Variants in ZNF582 observed in about 807,000 individuals in gnomAD.
The protein encoded by ZNF582 is zinc finger protein 582.
Under a neutral mutation model 12.3 loss-of-function variants are expected in ZNF582, and 14 were observed. The observed-to-expected ratio is 1.14, with a 90% CI of 0.75 to 1.78. The LOEUF is 1.78. Ranked by LOEUF, ZNF582 falls within the 40% of genes most tolerant of loss-of-function variation. The pLI, the probability that ZNF582 is intolerant of heterozygous loss-of-function variation, is 0.00. For missense variants in ZNF582, 567 were observed against 616.5 expected (o/e 0.92, Z 0.85); for synonymous variants, 210 against 207.2 (o/e 1.01, Z -0.11).
chr19:56,389,920 A>C, intron 4 of ZNF582, 81 bp downstream of exon 4: 2 of 1,123,382 alleles, frequency 1.8e-6, no homozygotes, highest in Non-Finnish European at 2.7e-6. Flanking sequence ...CCTGCAGGGA[A>C]GATCTTCTAA....
chr19:56,389,764 G>A (rs117298652), intron 4 of ZNF582, among the ~76,000 whole-genome samples: 2,625 of 152,002 alleles, frequency 0.017, 34 homozygotes, highest in Middle Eastern at 0.051. Flanking sequence ...CTTTCCTTAG[G>A]AACCACCATA....
chr19:56,392,516 C>A (rs1013351296), intron 1 of ZNF582, among the ~76,000 whole-genome samples: 2 of 152,212 alleles, frequency 1.3e-5, no homozygotes, highest in Non-Finnish European at 2.9e-5. Context: ...AATAGGAGAA[C>A]TGAAAATTAG....
exon 5 of ZNF582, chr19:56,384,116 T>C: frequency 1.2e-6 from 2 of 1,612,714 alleles, no homozygotes; most frequent in Non-Finnish European, 1.7e-6. Context: ...TTGTGAGCAA[T>C]GACTAAAAGC....
At chr19:56,390,341 A>G in intron 3 of ZNF582, 34 bp downstream of exon 3, 1 of 1,613,894 alleles carries the variant, frequency 6.2e-7, no homozygotes, top group Non-Finnish European at 8.5e-7. Context: ...ATGCCCAAGG[A>G]TAACCTCCAA....
chr19:56,392,185 T>C (rs1057316191), intron 1 of ZNF582, among the ~76,000 whole-genome samples: 7 of 152,180 alleles, frequency 4.6e-5, no homozygotes, highest in African/African-American at 1.7e-4. Flanking sequence ...CCTGCATCAT[T>C]TGCATAGCCC....
chr19:56,388,482 A>G (rs1309020265), intron 4 of ZNF582: 3 of 152,224 alleles, frequency 2.0e-5, no homozygotes, highest in Non-Finnish European at 4.4e-5. Flanking sequence ...TGACTTCTGA[A>G]ACTAGCAGGT....
intron 4 of ZNF582, chr19:56,387,595 TTCTC>T (rs1312409703): frequency 5.9e-5 from 9 of 152,300 alleles, no homozygotes; most frequent in African/African-American, 1.9e-4. Context: ...GTATTTCTCT[TTCTC>T]TTTCTTTTTT....
chr19:56,392,483 T>G (rs1306077859), intron 1 of ZNF582, among the ~76,000 whole-genome samples: 1 of 152,220 alleles, frequency 6.6e-6, no homozygotes, highest in Non-Finnish European at 1.5e-5. Flanking sequence ...TGCACAAAGC[T>G]GCATGTCCAA....
chr19:56,390,411 C>G lies in ZNF582; in HGVS notation c.100G>C (p.Val34Leu). 1.2e-6 allele frequency: 2 copies of G among 1,614,180 alleles called. No individual in the cohort carries two copies. The highest frequency in any genetic ancestry group is 1.7e-6 in the Non-Finnish European group (2 of 1,180,028). The stretch of plus-strand genomic sequence containing the variant: ...AGGTTGCTGTAGGTCTCCAACATCA[C>G]GTCTCTGTACAAATCCCTCTGAGCA... Residue 34 changes from valine (V) to leucine (L), a missense_variant, in exon 3 of 5, where the codon GTG becomes CTG. Coordinates refer to ENST00000586929, the Ensembl canonical transcript of ZNF582.
intron 4 of ZNF582, chr19:56,387,704 TCTC>T (rs1200814639): frequency 6.6e-6 from 1 of 152,190 alleles, no homozygotes; most frequent in Non-Finnish European, 1.5e-5. Flanking sequence ...CTCAGGTGAT[TCTC>T]CTCTGTCAGC....
At chr19:56,389,887 G>C in intron 4 of ZNF582, 114 bp downstream of exon 4, 2 of 752,658 alleles carry the variant, frequency 2.7e-6, no homozygotes, top group East Asian at 2.6e-5. Context: ...CAACACGTAA[G>C]ACATAAGCTT....
At chr19:56,384,763 C>T in exon 5 of ZNF582, 1 of 1,600,760 alleles carries the variant, frequency 6.2e-7, no homozygotes, top group Non-Finnish European at 8.5e-7. Context: ...AATGAATATT[C>T]TCATGTTGAA....
chr19:56,390,231 G>A (rs2042003704), intron 3 of ZNF582, 135 bp from the exon 4 acceptor site: 10 of 1,377,732 alleles, frequency 7.3e-6, no homozygotes, highest in Admixed American at 7.2e-5. Context: ...CTGGGGGTAG[G>A]GGGATGCAGC....
In ZNF582 at chr19:56,393,421, G is replaced by A. The variant is rs368378396; in HGVS notation, c.-282C>T. 1,904 of 566,372 alleles carry A rather than the reference G, an allele frequency of 3.4e-3. 20 individuals are homozygous for A. Among genetic ancestry groups the A allele is most frequent in the South Asian group, 0.017 (1,197 of 70,312 alleles). The allele number at this position is 566,372 out of a possible 1,614,324, so 35.1% of individuals were successfully genotyped here. ...CTCCTGCTGGACCCCAGAGCGCCTGGAAAGCTCCGGAACCTCTCACCTGCC... is the reference window on the plus strand; with the variant it reads ...CTCCTGCTGGACCCCAGAGCGCCTGAAAAGCTCCGGAACCTCTCACCTGCC... On this transcript the variant is annotated 5_prime_UTR_variant, in exon 1 of 5. Transcript: ENST00000586929.
At chr19:56,391,279 G>C (rs147200687) in intron 2 of ZNF582, among the ~76,000 whole-genome samples, 17 of 152,154 alleles carry the variant, frequency 1.1e-4, no homozygotes, top group Non-Finnish European at 2.5e-4. Context: ...CAAATGCTCT[G>C]TCCAACGTCA....
intron 3 of ZNF582, 67 bp from the exon 4 acceptor site, chr19:56,390,163 T>C (rs1037844714): frequency 3.4e-6 from 5 of 1,473,388 alleles, no homozygotes; most frequent in South Asian, 1.2e-5. Flanking sequence ...ATCCAGGACC[T>C]GGTCATCAAG....
chr19:56,386,432 C>A (rs2041966478), intron 4 of ZNF582: 1 of 152,280 alleles, frequency 6.6e-6, no homozygotes, highest in South Asian at 2.1e-4. Context: ...TTTACCTGAA[C>A]CTTTTCATTT....
At chr19:56,385,172 C>T in exon 5 of ZNF582, 1 of 1,595,744 alleles carries the variant, frequency 6.3e-7, no homozygotes, top group Non-Finnish European at 8.5e-7. Flanking sequence ...GGTATCATAT[C>T]TGGACTCCAA....
chr19:56,383,639 T>C, exon 5 of ZNF582: 1 of 409,416 alleles, frequency 2.4e-6, no homozygotes, highest in Admixed American at 4.4e-5. Context: ...TACACTGTGG[T>C]TAGAAAATGT....
Sources: allele counts gnomAD v4.1 joint callset (sites outside exome capture counted in the v4.1 genomes callset), GRCh38; gene constraint gnomAD v4.1.1; transcripts MANE v1.5; gene names NCBI Gene and HGNC (gene_info 2026-07-23, HGNC 2026-07-21).